HS3ST5: variants seen among roughly 807,000 people sequenced by gnomAD.
The protein encoded by HS3ST5 is heparan sulfate glucosamine 3-O-sulfotransferase 5.
In HS3ST5, 10 loss-of-function variants were observed where a neutral mutation model predicts 25.4. The ratio of observed to expected loss-of-function variants is 0.39; its 90% CI spans 0.24 to 0.67. HS3ST5 has a LOEUF of 0.67. Among genes scored for constraint, HS3ST5 ranks in the 30% least tolerant of loss-of-function variants. The pLI is 0.44. For missense variants in HS3ST5, 324 were observed against 420.7 expected, an observed-to-expected ratio of 0.77 and a Z score of 2.01; for synonymous variants, 170 against 162.4, an observed-to-expected ratio of 1.05 and a Z score of -0.36.
At chr6:114,232,398 C>T (rs538770612) in intron 1 of HS3ST5, among the ~76,000 whole-genome samples, 3 of 151,944 alleles carry the variant, frequency 2.0e-5, no homozygotes, top group Non-Finnish European at 2.9e-5. Context: ...TCTATGTTGC[C>T]CAGGCTGGTC....
intron 1 of HS3ST5, among the ~76,000 whole-genome samples, chr6:114,312,293 A>G (rs1775564711): frequency 6.6e-6 from 1 of 152,206 alleles, no homozygotes; most frequent in Admixed American, 6.5e-5. Flanking sequence ...ATTTCAACAA[A>G]TGTGCTGGAA....
chr6:114,094,310 C>A (rs150485758), intron 3 of HS3ST5, among the ~76,000 whole-genome samples: 13 of 152,260 alleles, frequency 8.5e-5, no homozygotes, highest in African/African-American at 3.1e-4. Flanking sequence ...ATATTTACAA[C>A]AAGTCAAACT....
At chr6:114,120,545 A>C (rs1776739482) in intron 3 of HS3ST5, among the ~76,000 whole-genome samples, 1 of 152,186 alleles carries the variant, frequency 6.6e-6, no homozygotes, top group Non-Finnish European at 1.5e-5. Context: ...TCACACACAA[A>C]AAATACTTCT....
In HS3ST5 at chr6:114,104,256, G is replaced by A. The variant is rs1775884127; in HGVS notation, c.-32-41379C>T. 2.0e-5 allele frequency among the ~76,000 whole-genome samples: 3 copies of A among 152,202 alleles called. No individual in the cohort carries two copies. The South Asian group carries it at 6.2e-4, about 32-fold the overall frequency. On this transcript the variant is annotated intron_variant, in intron 3 of 4. Transcript: ENST00000312719. The stretch of plus-strand genomic sequence containing the variant: ...AGAACTGTGTAAATTCAGATATCCA[G>A]CAAGTAGACATACCTTGCCTCTTAT...
intron 3 of HS3ST5, among the ~76,000 whole-genome samples, chr6:114,136,850 G>T (rs1227021018): frequency 1.3e-5 from 2 of 152,028 alleles, no homozygotes; most frequent in African/African-American, 4.8e-5. Flanking sequence ...TTTTCACTGG[G>T]CTCTACATTT....
At chr6:114,169,826 T>A (rs950314755) in intron 2 of HS3ST5, among the ~76,000 whole-genome samples, 1 of 152,180 alleles carries the variant, frequency 6.6e-6, no homozygotes, top group Non-Finnish European at 1.5e-5. Flanking sequence ...AGTTCAGTTT[T>A]TACAACAGAA....
Position 114,171,898 on chromosome 6 carries a change from G to A in HS3ST5, c.-144-3436C>T, listed in dbSNP as rs373675270. Among the ~76,000 whole-genome samples the A allele has an allele frequency of 1.6e-4, 25 of 152,290 alleles. No individual in the cohort carries two copies. In the East Asian group the frequency reaches 3.7e-3, roughly 22 times the overall value. On this transcript the variant is annotated intron_variant, in intron 2 of 4. Coordinates refer to ENST00000312719, the MANE Select transcript of HS3ST5 (RefSeq NM_153612.4). ...GGTAACACATTTGGCTTGACTATTA[G>A]TAATTAAAACCTGTTGCCCCCAATC...
At chr6:114,061,670 C>A (rs1773121900) in intron 4 of HS3ST5, among the ~76,000 whole-genome samples, 1 of 152,168 alleles carries the variant, frequency 6.6e-6, no homozygotes, top group Non-Finnish European at 1.5e-5. Flanking sequence ...AAAGGGCCAG[C>A]CAGGCACAGT....
At chr6:114,154,953 T>C (rs933442694) in intron 3 of HS3ST5, among the ~76,000 whole-genome samples, 1 of 152,178 alleles carries the variant, frequency 6.6e-6, no homozygotes, top group Admixed American at 6.5e-5. Context: ...TCTGGTTACA[T>C]ATGCATTTAC....
chr6:114,315,879 TTACTC>T (rs1221192324), intron 1 of HS3ST5, among the ~76,000 whole-genome samples: 1 of 152,216 alleles, frequency 6.6e-6, no homozygotes, highest in East Asian at 1.9e-4. Context: ...GTGATATTCT[TTACTC>T]TCTCTCTTCT....
intron 3 of HS3ST5, among the ~76,000 whole-genome samples, chr6:114,093,353 TTGTGTG>T (rs60927880): frequency 0.14 from 18,634 of 133,980 alleles, 1,327 homozygotes; most frequent in East Asian, 0.21. Context: ...GTTTGTTTGT[TTGTGTG>T]TGTGTGTGTG....
At chr6:114,151,863 T>C (rs1778465392) in intron 3 of HS3ST5, among the ~76,000 whole-genome samples, 1 of 152,234 alleles carries the variant, frequency 6.6e-6, no homozygotes, top group Admixed American at 6.5e-5. Flanking sequence ...CATTCAGCTA[T>C]GCTCTTATTG....
chr6:114,280,077 T>C (rs1216415917), intron 1 of HS3ST5, among the ~76,000 whole-genome samples: 1 of 150,798 alleles, frequency 6.6e-6, no homozygotes, highest in African/African-American at 2.4e-5. Flanking sequence ...CCCAAAGAAG[T>C]GATATCTAAG....
At chr6:114,155,753 C>T (rs2114971012) in intron 3 of HS3ST5, among the ~76,000 whole-genome samples, 1 of 152,302 alleles carries the variant, frequency 6.6e-6, no homozygotes, top group South Asian at 2.1e-4. Flanking sequence ...CTTCTAAACA[C>T]AAACGTCACG....
intron 1 of HS3ST5, among the ~76,000 whole-genome samples, chr6:114,257,597 T>A (rs1248179088): frequency 6.6e-6 from 1 of 152,200 alleles, no homozygotes. Flanking sequence ...AAGAAACTTA[T>A]ACTAAGAATA....
chr6:114,258,799 A>T (rs9481437), intron 1 of HS3ST5, among the ~76,000 whole-genome samples: 5,848 of 152,024 alleles, frequency 0.038, 173 homozygotes, highest in African/African-American at 0.083. Flanking sequence ...GATCTCTCCT[A>T]CTCATGTTGA....
intron 3 of HS3ST5, among the ~76,000 whole-genome samples, chr6:114,158,499 T>A (rs1778801917): frequency 6.6e-6 from 1 of 152,186 alleles, no homozygotes; most frequent in African/African-American, 2.4e-5. Context: ...TATGTCATTT[T>A]GTTCTCACAG....
intron 3 of HS3ST5, among the ~76,000 whole-genome samples, chr6:114,110,263 ATTATT>A (rs1376542890): frequency 2.0e-5 from 3 of 151,930 alleles, no homozygotes; most frequent in Non-Finnish European, 2.9e-5. Flanking sequence ...GAGTCTATAC[ATTATT>A]TTATTTCCCT....
At chr6:114,181,912 G>A (rs1392143531) in intron 2 of HS3ST5, among the ~76,000 whole-genome samples, 4 of 151,462 alleles carry the variant, frequency 2.6e-5, no homozygotes, top group East Asian at 1.9e-4. Flanking sequence ...GTGTACGCAC[G>A]CACACACACG....
Sources: allele counts gnomAD v4.1 joint callset (sites outside exome capture counted in the v4.1 genomes callset), GRCh38; gene constraint gnomAD v4.1.1; transcripts MANE v1.5; gene names NCBI Gene and HGNC (gene_info 2026-07-23, HGNC 2026-07-21).